CSMD2: variants seen among roughly 807,000 people sequenced by gnomAD.
The protein encoded by CSMD2 is CUB and Sushi multiple domains 2, also known as CUB and sushi domain-containing protein 2.
CSMD2 carries 130 observed loss-of-function variants against 398.5 expected under a neutral mutation model. The ratio of observed to expected loss-of-function variants is 0.33; its 90% confidence interval spans 0.28 to 0.38. The LOEUF (loss-of-function observed/expected upper bound fraction) is 0.38, where lower values mean the gene tolerates loss of function less well. Ranked by LOEUF, CSMD2 falls within the 10% of genes least tolerant of loss-of-function variation. CSMD2 has a pLI of 1.00. For synonymous variants in CSMD2, 1,828 were observed against 1,908.5 expected (o/e 0.96, Z 1.10); for missense variants, 3,829 against 4,764.9 (o/e 0.80, Z 5.78).
chr1:33,874,021 G>A (rs571783677), intron 5 of CSMD2, among the ~76,000 whole-genome samples: 15 of 152,286 alleles, frequency 9.8e-5, no homozygotes, highest in African/African-American at 3.6e-4. Flanking sequence ...AGCTGTCTTT[G>A]ATGCTCCAAC....
At chr1:34,024,751 T>C (rs1392511918) in intron 3 of CSMD2, among the ~76,000 whole-genome samples, 1 of 152,230 alleles carries the variant, frequency 6.6e-6, no homozygotes, top group Non-Finnish European at 1.5e-5. Flanking sequence ...TCTGCTGTTC[T>C]GGCCTGGAGT....
At chr1:33,684,902 A>G (rs572689984) in intron 25 of CSMD2, among the ~76,000 whole-genome samples, 2 of 152,246 alleles carry the variant, frequency 1.3e-5, no homozygotes, top group Non-Finnish European at 2.9e-5. Flanking sequence ...CTTAGAATCT[A>G]TAGCAGAAAC....
At chr1:33,855,128 G>C (rs887314659) in intron 5 of CSMD2, among the ~76,000 whole-genome samples, 5 of 152,184 alleles carry the variant, frequency 3.3e-5, no homozygotes, top group Non-Finnish European at 5.9e-5. Flanking sequence ...TGGATCCCCA[G>C]CTGCTTTTCT....
intron 38 of CSMD2, 93 bp from the exon 39 acceptor site, chr1:33,617,068 C>T: frequency 1.1e-6 from 1 of 936,466 alleles, no homozygotes; most frequent in Non-Finnish European, 1.7e-6. Flanking sequence ...GTTCAGGGGC[C>T]TCATGTTAAG....
chr1:34,118,657 C>G (rs1661850348), intron 1 of CSMD2, among the ~76,000 whole-genome samples: 1 of 152,162 alleles, frequency 6.6e-6, no homozygotes, highest in African/African-American at 2.4e-5. Context: ...TCTTTCTCCT[C>G]ATCTTGTCTT....
intron 54 of CSMD2, among the ~76,000 whole-genome samples, chr1:33,558,325 C>A (rs1202934174): frequency 6.6e-6 from 1 of 152,188 alleles, no homozygotes; most frequent in East Asian, 1.9e-4. Flanking sequence ...CGCATTTGAA[C>A]TGACTTGAAC....
At chr1:33,917,338 T>A (rs554389985) in intron 5 of CSMD2, among the ~76,000 whole-genome samples, 1 of 152,322 alleles carries the variant, frequency 6.6e-6, no homozygotes, top group African/African-American at 2.4e-5. Context: ...GTCCTCCTGA[T>A]AACACAGCCA....
At chr1:33,891,936 T>C (rs1349568174) in intron 5 of CSMD2, among the ~76,000 whole-genome samples, 3 of 144,884 alleles carry the variant, frequency 2.1e-5, no homozygotes, top group Non-Finnish European at 3.0e-5. Context: ...CATTAGGAGA[T>C]ATACCTAATG....
At chr1:33,868,768 A>G (rs1000908289) in intron 5 of CSMD2, among the ~76,000 whole-genome samples, 5 of 152,124 alleles carry the variant, frequency 3.3e-5, no homozygotes, top group African/African-American at 1.2e-4. Flanking sequence ...CAACACAAAT[A>G]CATATATCGA....
intron 2 of CSMD2, among the ~76,000 whole-genome samples, chr1:34,066,132 C>G (rs569098984): frequency 6.6e-6 from 1 of 152,296 alleles, no homozygotes; most frequent in African/African-American, 2.4e-5. Flanking sequence ...GCTGAGAACA[C>G]TCAGTGAGAT....
At position 33,943,527 on chromosome 1, in the gene CSMD2, A is replaced by C. The variant is rs189543203; in HGVS notation, c.518-7573T>G. On this transcript the variant is annotated intron_variant, in intron 3 of 70. Coordinates refer to ENST00000373381, the MANE Select transcript of CSMD2 (RefSeq NM_001281956.2). ...TCCTGAATCTCCTGGCCCATGAAATAGGCAGGCTCCCTCTGTTCATTTTGT... is the reference window on the plus strand; with the variant it reads ...TCCTGAATCTCCTGGCCCATGAAATCGGCAGGCTCCCTCTGTTCATTTTGT... Among the ~76,000 whole-genome samples, 9 of 152,362 alleles carry C rather than the reference A, an allele frequency of 5.9e-5. No homozygotes were observed. The East Asian group carries it at 1.7e-3, about 29-fold the overall frequency.
chr1:34,062,765 C>G (rs1221865300), intron 2 of CSMD2, among the ~76,000 whole-genome samples: 1 of 152,174 alleles, frequency 6.6e-6, no homozygotes, highest in Non-Finnish European at 1.5e-5. Flanking sequence ...CTCTCTGATG[C>G]CACAACTGAC....
At position 33,792,476 on chromosome 1, in the gene CSMD2, G is replaced by A; in HGVS notation, c.1497C>T (p.Thr499=). 6.2e-7 allele frequency: 1 copy of A among 1,614,000 alleles called. No homozygotes were observed. Among genetic ancestry groups the A allele is most frequent in the Non-Finnish European group, 8.5e-7 (1 of 1,179,962 alleles). The change falls in exon 11 of 71, where the codon ACC becomes ACT. Residue 499 remains threonine, a synonymous_variant. Coordinates refer to ENST00000373381, the MANE Select transcript of CSMD2 (RefSeq NM_001281956.2). The stretch of plus-strand genomic sequence containing the variant: ...CCTGACCACCATCACCGACCGTCAG[G>A]GTGTCATAGCCCCTCTCCAAATCAA... ...EEFDLERGYD[T]LTVGDGGQDG...
chr1:33,864,206 C>A, intron 5 of CSMD2: 1 of 1,595,924 alleles, frequency 6.3e-7, no homozygotes. Context: ...GAAAAGAAAT[C>A]CAGCTAAAGC....
chr1:33,571,962 C>G (rs1659635257), intron 50 of CSMD2, among the ~76,000 whole-genome samples: 1 of 152,112 alleles, frequency 6.6e-6, no homozygotes, highest in Non-Finnish European at 1.5e-5. Flanking sequence ...AGTACTCAGT[C>G]AAGGTTGACT....
At chr1:33,647,113 CAG>C (rs1338740851) in intron 28 of CSMD2, among the ~76,000 whole-genome samples, 8 of 152,182 alleles carry the variant, frequency 5.3e-5, no homozygotes, top group African/African-American at 1.9e-4. Flanking sequence ...CCTCCTTATA[CAG>C]AAGGGAAAAT....
chr1:33,636,629 C>T lies in CSMD2; in HGVS notation c.4775-75G>A. ...GAGGCTATTCTTGGGCTCCAGTGCC[C>T]ATGAGGAGAACCCGACTTTAATTAG... On this transcript the variant is annotated intron_variant, in intron 29 of 70. Coordinates refer to ENST00000373381, the MANE Select transcript of CSMD2 (RefSeq NM_001281956.2). The surrounding 1 kb of genome is among the most constrained non-coding windows in gnomAD (Gnocchi z 4.8). 7.6e-7 allele frequency: 1 copy of T among 1,311,344 alleles called. No individual in the cohort carries two copies. Among genetic ancestry groups the T allele is most frequent in the East Asian group, 2.4e-5 (1 of 41,882 alleles). 81.2% of individuals were successfully genotyped at this position (1,311,344 alleles called of 1,614,324 possible).
At chr1:33,926,346 A>G (rs1053881611) in intron 4 of CSMD2, among the ~76,000 whole-genome samples, 1 of 152,136 alleles carries the variant, frequency 6.6e-6, no homozygotes, top group Non-Finnish European at 1.5e-5. Flanking sequence ...TCCCTGCTTG[A>G]TAGTGGTTTG....
At position 33,839,495 on chromosome 1, in the gene CSMD2, G is replaced by T; in HGVS notation, c.1033+7389C>A. ...TAGGAAAAGTTGGAGCAGTCATTGT[G>T]ACCAAAGATGATGCCATGTTCTTGG... On this transcript the variant is annotated intron_variant, in intron 6 of 70. Transcript: ENST00000373381. 1.9e-5 allele frequency: 3 copies of T among 161,326 alleles called. No homozygotes were observed. The South Asian group carries it at 6.0e-4, about 32-fold the overall frequency. The allele number at this position is 161,326 out of a possible 1,614,324, so 10.0% of individuals were successfully genotyped here. A position where few individuals can be genotyped will look rare whatever the true frequency, so the allele number is the denominator to read the frequency against.
Sources: gnomAD v4.1 joint callset for allele counts (sites outside exome capture counted in the v4.1 genomes callset) on GRCh38, gnomAD v4.1.1 for gene constraint, Gnocchi (gnomAD v3.1) non-coding constraint, MANE v1.5 for transcripts, NCBI Gene and HGNC (gene_info 2026-07-23, HGNC 2026-07-21) for gene names.